ARL10: variants seen among roughly 807,000 people sequenced by gnomAD.
ARL10 encodes ARF like GTPase 10.
A neutral mutation model predicts 26.1 loss-of-function variants in ARL10; 23 were observed. The ratio of observed to expected loss-of-function variants is 0.88; its 90% CI spans 0.63 to 1.25. ARL10 has a LOEUF of 1.25. ARL10 is among the 50% of genes most tolerant of loss of function. The pLI, the probability that ARL10 is intolerant of heterozygous loss-of-function variation, is 0.00. For missense variants in ARL10, 300 were observed against 323.6 expected, an observed-to-expected ratio of 0.93 and a Z score of 0.56; for synonymous variants, 138 against 149.1, an observed-to-expected ratio of 0.93 and a Z score of 0.54.
the ARL10 span, chr5:176,410,247 C>G: frequency 5.2e-5 from 84 of 1,613,634 alleles, no homozygotes; most frequent in Non-Finnish European, 6.8e-5. Flanking sequence ...TGAGACAGAG[C>G]CTTGCTTACC....
Position 176,398,376 on chromosome 5 carries a change from T to C in ARL10, c.134-3365T>C, listed in dbSNP as rs184278310. Among the ~76,000 whole-genome samples, 104 of 152,206 alleles carry C rather than the reference T, an allele frequency of 6.8e-4. 1 individual carries two copies. Among genetic ancestry groups the C allele is most frequent in the Admixed American group, 4.9e-3 (75 of 15,286 alleles). On this transcript the variant is annotated intron_variant, in intron 1 of 1. Transcript: ENST00000514533. ...TGTCATAAAATGGGCTAAATAACAG[T>C]ATGCACTCTGATGGGAGGACATAAG...
At chr5:176,389,011 A>G (rs1472997774), downstream of ARL10, 2 of 1,610,732 alleles carry the variant, frequency 1.2e-6, no homozygotes, top group Non-Finnish European at 8.5e-7. Flanking sequence ...AGGAGAGGAC[A>G]GTGATGTCGG....
At chr5:176,384,335 G>A, downstream of ARL10, 5 of 1,614,220 alleles carry the variant, frequency 3.1e-6, no homozygotes, top group Non-Finnish European at 4.2e-6. Flanking sequence ...ATCTGTTTTG[G>A]GGTATCTTGA....
At chr5:176,390,053 G>GCA (rs1561787722), downstream of ARL10, among the ~76,000 whole-genome samples, 2 of 151,514 alleles carry the variant, frequency 1.3e-5, no homozygotes, top group Non-Finnish European at 2.9e-5. Context: ...GTGGTGTTGC[G>GCA]TGCCTGTAAT....
chr5:176,397,747 G>C, intron 1 of ARL10: 1 of 1,598,144 alleles, frequency 6.3e-7, no homozygotes, highest in Non-Finnish European at 8.6e-7. Flanking sequence ...ATGAGTGGCT[G>C]CTTTCCAGCT....
downstream of ARL10, chr5:176,384,594 C>T (rs1281672342): frequency 1.7e-6 from 1 of 571,660 alleles, no homozygotes; most frequent in Non-Finnish European, 3.1e-6. Flanking sequence ...CCAGGCCACC[C>T]TGGGCAACCC....
chr5:176,366,401 G>A lies in ARL10; in HGVS notation c.205G>A (p.Glu69Lys), dbSNP rs1018588729. ...GCAGCCCGAGGACGAGGAGGACGAGGAGCCGGCGCTGGAGGAGCTGGAACA... is the reference window on the plus strand; with the variant it reads ...GCAGCCCGAGGACGAGGAGGACGAGAAGCCGGCGCTGGAGGAGCTGGAACA... Reference protein sequence around the residue: ...EWDPEDEEDEEPALEELEQRE... With the variant: ...EWDPEDEEDEKPALEELEQRE... The change falls in exon 2 of 4, where the codon GAG becomes AAG. Residue 69 changes from glutamate (E) to lysine (K), a missense_variant. Physicochemically the swap from Glu to Lys is moderately conservative, Grantham distance 56. Transcript: ENST00000310389. 9 of 1,610,832 alleles carry A rather than the reference G, an allele frequency of 5.6e-6. No homozygotes were observed. Among genetic ancestry groups the A allele is most frequent in the Admixed American group, 3.3e-5 (2 of 59,914 alleles).
chr5:176,409,293 GAAA>G, the ARL10 span, among the ~76,000 whole-genome samples: 75 of 103,046 alleles, frequency 7.3e-4, no homozygotes, highest in East Asian at 1.7e-3. Context: ...TTTTAAAATT[GAAA>G]AAAAAAAAAA....
At position 176,375,323 on chromosome 5, in the gene ARL10, T is replaced by TCCACCCAC; in HGVS notation, c.*3431_*3432insCCCACCCA. The TCCACCCAC allele has an allele frequency of 1.9e-5, 1 of 52,826 alleles. No homozygotes were observed. Among genetic ancestry groups the TCCACCCAC allele is most frequent in the African/African-American group, 6.2e-5 (1 of 16,076 alleles). 3.3% of individuals were successfully genotyped at this position (52,826 alleles called of 1,614,324 possible). A position where few individuals can be genotyped will look rare whatever the true frequency, so the allele number is the denominator to read the frequency against. On this transcript the variant is annotated 3_prime_UTR_variant, in exon 4 of 4. Coordinates refer to ENST00000310389, the MANE Select transcript of ARL10 (RefSeq NM_173664.6). ...ATCCATCCATCCATCCATCCATCCA[T>TCCACCCAC]CCATCCATCCATCATCCACCCATCC...
At chr5:176,389,364 G>A, downstream of ARL10, 1 of 1,614,046 alleles carries the variant, frequency 6.2e-7, no homozygotes, top group Non-Finnish European at 8.5e-7. Context: ...CTCACCTACG[G>A]CCTCTACTCC....
rs1382484771 is a variant in ARL10, at chr5:176,377,742, T to G, written c.*5847T>G. Reference sequence around the variant, plus strand: ...TTTATAATCTGGATCATCTTGCTCATTTGTGAGGTGCAGAGGTTGTTTTTT... The same window carrying G: ...TTTATAATCTGGATCATCTTGCTCAGTTGTGAGGTGCAGAGGTTGTTTTTT... On this transcript the variant is annotated 3_prime_UTR_variant, in exon 4 of 4. Coordinates refer to ENST00000310389, the MANE Select transcript of ARL10 (RefSeq NM_173664.6). The surrounding 1 kb of genome is among the most constrained non-coding windows in gnomAD (Gnocchi z 4.5). The G allele has an allele frequency of 6.6e-6, 1 of 152,182 alleles. No individual in the cohort carries two copies. The highest frequency in any genetic ancestry group is 2.4e-5 in the African/African-American group (1 of 41,424). 9.4% of individuals were successfully genotyped at this position (152,182 alleles called of 1,614,324 possible). A position where few individuals can be genotyped will look rare whatever the true frequency, so the allele number is the denominator to read the frequency against.
At chr5:176,370,796 C>T (rs1768505476) in intron 3 of ARL10, among the ~76,000 whole-genome samples, 1 of 152,146 alleles carries the variant, frequency 6.6e-6, no homozygotes, top group Non-Finnish European at 1.5e-5. Flanking sequence ...TACAACATAC[C>T]ATCACCAGTC....
At chr5:176,406,156 C>T (rs1055871448), downstream of ARL10, 1 of 987,198 alleles carries the variant, frequency 1.0e-6, no homozygotes, top group Non-Finnish European at 1.2e-6. Flanking sequence ...CGTTTAATCA[C>T]CTGAGCATCT....
the ARL10 span, among the ~76,000 whole-genome samples, chr5:176,410,793 T>G: frequency 1.3e-5 from 2 of 152,344 alleles, no homozygotes; most frequent in African/African-American, 4.8e-5. Context: ...CTTGAGCAAC[T>G]GCTCCTCCTG....
chr5:176,409,406 CTTTTTTTTTTTTTT>C, the ARL10 span, among the ~76,000 whole-genome samples: 3 of 79,656 alleles, frequency 3.8e-5, no homozygotes, highest in Non-Finnish European at 6.7e-5. Context: ...TCTGATTGCC[CTTTTTTTTTTTTTT>C]TTTTTTTTTT....
At chr5:176,406,638 T>C (rs575557440), downstream of ARL10, 5 of 1,289,332 alleles carry the variant, frequency 3.9e-6, no homozygotes, top group South Asian at 6.2e-5. Flanking sequence ...ACTGGAATAG[T>C]TGTGGGCAGG....
intron 1 of ARL10, chr5:176,388,128 G>T (rs1029841148): frequency 2.7e-5 from 22 of 823,920 alleles, no homozygotes; most frequent in Admixed American, 4.9e-5. Flanking sequence ...TCGAAAACTC[G>T]GAAGGGCCTG....
At chr5:176,406,324 T>A, downstream of ARL10, 1 of 1,075,174 alleles carries the variant, frequency 9.3e-7, no homozygotes, top group South Asian at 2.5e-5. Flanking sequence ...CAGGCTTGTC[T>A]CAGTCTAGCT....
chr5:176,412,930 T>C, the ARL10 span, among the ~76,000 whole-genome samples: 1 of 152,124 alleles, frequency 6.6e-6, no homozygotes, highest in African/African-American at 2.4e-5. Context: ...TCTGTACATT[T>C]GGCCTTCTCG....
Sources: allele counts gnomAD v4.1 joint callset (sites outside exome capture counted in the v4.1 genomes callset), GRCh38; gene constraint gnomAD v4.1.1; non-coding constraint Gnocchi (gnomAD v3.1); transcripts MANE v1.5; gene names NCBI Gene and HGNC (gene_info 2026-07-23, HGNC 2026-07-21).